GAS5: variants seen among roughly 807,000 people sequenced by gnomAD.
GAS5 encodes growth arrest specific 5 (non-protein coding).
intron 2 of GAS5, chr1:173,866,673 T>G (rs1654723129): frequency 1.3e-6 from 1 of 764,928 alleles, no homozygotes; most frequent in African/African-American, 1.7e-5. Context: ...TCCTCATCAT[T>G]CTAGCACTCA....
At chr1:173,864,591 A>C in intron 6 of GAS5, 1 of 377,372 alleles carries the variant, frequency 2.6e-6, no homozygotes, top group South Asian at 2.0e-5. Flanking sequence ...TTAAACAGCT[A>C]ATCACTCCCA....
intron 6 of GAS5, chr1:173,865,044 A>G: frequency 2.7e-6 from 1 of 377,238 alleles, no homozygotes; most frequent in Non-Finnish European, 5.2e-6. Context: ...ACATAGCTGT[A>G]CAAAATTAGC....
intron 5 of GAS5, chr1:173,865,825 TAA>T: frequency 2.0e-6 from 1 of 511,580 alleles, no homozygotes; most frequent in Non-Finnish European, 3.9e-6. Flanking sequence ...GCATTTTCAT[TAA>T]GTCTATCTAC....
intron 2 of GAS5, chr1:173,866,734 C>G (rs1386972038): frequency 1.3e-6 from 1 of 765,314 alleles, no homozygotes; most frequent in African/African-American, 1.7e-5. Flanking sequence ...GGCTTTAAAC[C>G]TTTTTGAGAG....
intron 1 of GAS5, chr1:173,866,941 G>T: frequency 1.3e-6 from 1 of 765,418 alleles, no homozygotes; most frequent in Non-Finnish European, 2.4e-6. Flanking sequence ...CACAGGCTGA[G>T]ACCACCTCTT....
chr1:173,865,784 C>T, intron 5 of GAS5: 1 of 517,852 alleles, frequency 1.9e-6, no homozygotes, highest in South Asian at 1.4e-5. Context: ...AGCCTTAAGC[C>T]ATTAGCTCAG....
chr1:173,867,516 A>G, upstream of GAS5: 1 of 377,664 alleles, frequency 2.6e-6, no homozygotes, highest in South Asian at 1.9e-5. Context: ...GGTCTCAAAA[A>G]AGAAAAAAGA....
Position 173,866,833 on chromosome 1 carries a change from T to G in GAS5, n.56-37A>C, listed in dbSNP as rs190732670. On this transcript the variant is annotated intron_variant and non_coding_transcript_variant, in intron 1 of 7. Transcript: ENST00000651080. ...AAAGATGCAAGCAAAACAGTGAGAA[T>G]GAACCTCACAGCAGTCACGTTAAAT... 60 of 765,500 alleles carry G rather than the reference T, an allele frequency of 7.8e-5. 2 individuals are homozygous for G. The East Asian group carries it at 1.4e-3, about 18-fold the overall frequency. The allele number at this position is 765,500 out of a possible 1,614,324, so 47.4% of individuals were successfully genotyped here.
intron 6 of GAS5, chr1:173,865,396 C>T (rs1279400376): frequency 3.9e-6 from 2 of 516,094 alleles, no homozygotes; most frequent in Admixed American, 3.9e-5. Flanking sequence ...CAGAGAGATT[C>T]CCATCTGCTT....
At chr1:173,866,922 T>C (rs781715172) in intron 1 of GAS5, 8 of 765,380 alleles carry the variant, frequency 1.0e-5, no homozygotes, top group South Asian at 9.4e-5. Flanking sequence ...TCCACTACTC[T>C]TAAAGCATCA....
At chr1:173,868,963 C>T (rs933540598), upstream of GAS5, 1 of 152,686 alleles carries the variant, frequency 6.5e-6, no homozygotes, top group African/African-American at 2.4e-5. Context: ...GAAAGACTTT[C>T]CTCCAGGGGC....
intron 4 of GAS5, chr1:173,866,062 A>G (rs771231173): frequency 1.9e-6 from 1 of 519,098 alleles, no homozygotes; most frequent in Admixed American, 1.9e-5. Flanking sequence ...AATCATAACA[A>G]GACAAGAATC....
intron 6 of GAS5, chr1:173,864,735 A>C: frequency 2.0e-6 from 1 of 499,036 alleles, no homozygotes; most frequent in Non-Finnish European, 4.0e-6. Flanking sequence ...ACAGTAAGAC[A>C]ACTTGCATAC....
chr1:173,866,853 T>G (rs760740571), intron 1 of GAS5: 1 of 765,488 alleles, frequency 1.3e-6, no homozygotes, highest in Admixed American at 1.7e-5. Context: ...AGCAGTCACG[T>G]TAAATATAAA....
At chr1:173,866,317 T>G (rs770873429) in intron 3 of GAS5, 2 of 519,256 alleles carry the variant, frequency 3.9e-6, no homozygotes, top group Admixed American at 3.9e-5. Context: ...ATCAGACAGA[T>G]AGTACATCTC....
upstream of GAS5, chr1:173,867,139 GATGCAGGTAA>G: frequency 1.7e-6 from 1 of 602,556 alleles, no homozygotes; most frequent in East Asian, 2.7e-5. Flanking sequence ...TTAAACCAAT[GATGCAGGTAA>G]CATACCATTC....
intron 7 of GAS5, chr1:173,864,000 A>G: frequency 3.0e-6 from 1 of 338,086 alleles, no homozygotes; most frequent in East Asian, 7.5e-5. Flanking sequence ...GAGGCTGAGG[A>G]TCACTTGAGC....
At chr1:173,867,545 G>T, upstream of GAS5, 1 of 452,326 alleles carries the variant, frequency 2.2e-6, no homozygotes, top group East Asian at 5.8e-5. Context: ...TGGAAATATT[G>T]GTGACACTGC....
upstream of GAS5, chr1:173,867,619 T>TG (rs1654981036): frequency 3.9e-6 from 2 of 518,260 alleles, no homozygotes; most frequent in Admixed American, 3.9e-5. Flanking sequence ...GGACGGCTGA[T>TG]GGAGGCTCGG....
Sources: gnomAD v4.1 joint callset for allele counts on GRCh38, gnomAD v4.1.1 for gene constraint, MANE v1.5 for transcripts, NCBI Gene and HGNC (gene_info 2026-07-23, HGNC 2026-07-21) for gene names.